The following NRG3 variants were observed in gnomAD, a reference collection of about 807,000 sequenced individuals.
The protein encoded by NRG3 is pro-neuregulin-3, membrane-bound isoform.
In NRG3, 31 loss-of-function variants were observed where a neutral mutation model predicts 66.9. That is an observed-to-expected ratio of 0.46 (90% CI 0.35 to 0.63). The LOEUF is 0.63. Among genes scored for constraint, NRG3 ranks in the 20% least tolerant of loss-of-function variants. The pLI is 0.00. For missense variants in NRG3, 910 were observed against 878.9 expected, an observed-to-expected ratio of 1.04 and a Z score of -0.45; for synonymous variants, 393 against 359.4, an observed-to-expected ratio of 1.09 and a Z score of -1.06.
intron 2 of NRG3, among the ~76,000 whole-genome samples, chr10:82,529,219 A>G (rs114271818): frequency 1.1e-3 from 168 of 152,316 alleles, no homozygotes; most frequent in African/African-American, 3.9e-3. Flanking sequence ...AAGGACTGCT[A>G]ACTCTGTGGC....
At position 82,451,551 on chromosome 10, in the gene NRG3, A is replaced by G. The variant is rs192573706; in HGVS notation, c.953+92683A>G. Among the ~76,000 whole-genome samples, 3 of 152,312 alleles carry G rather than the reference A, an allele frequency of 2.0e-5. No individual in the cohort carries two copies. The East Asian group carries it at 5.8e-4, about 29-fold the overall frequency. On this transcript the variant is annotated intron_variant, in intron 2 of 8. Transcript: ENST00000372141. The stretch of plus-strand genomic sequence containing the variant: ...CTTGGGTGTTTGTTTCCCATTTCAC[A>G]AAACAAAGCAGCCAACCTTACATTC...
At chr10:82,398,681 T>C (rs2086886111) in intron 2 of NRG3, among the ~76,000 whole-genome samples, 1 of 151,932 alleles carries the variant, frequency 6.6e-6, no homozygotes, top group East Asian at 1.9e-4. Context: ...AAGGTAAAAG[T>C]CACTTCCAAA....
intron 3 of NRG3, among the ~76,000 whole-genome samples, chr10:82,786,078 T>G (rs1370682205): frequency 2.0e-5 from 3 of 152,218 alleles, no homozygotes; most frequent in Non-Finnish European, 4.4e-5. Context: ...ACTGAGGAAA[T>G]GTCCAGCAGA....
intron 2 of NRG3, among the ~76,000 whole-genome samples, chr10:82,440,360 T>G (rs577301717): frequency 1.6e-5 from 2 of 127,046 alleles, no homozygotes; most frequent in South Asian, 4.4e-4. Flanking sequence ...TTTGCCTGTT[T>G]GATTTTTTTT....
intron 2 of NRG3, among the ~76,000 whole-genome samples, chr10:82,700,121 C>T (rs1255708823): frequency 3.3e-5 from 5 of 152,066 alleles, no homozygotes; most frequent in Non-Finnish European, 7.4e-5. Context: ...TTACTTTCAG[C>T]GCTTGACAGA....
chr10:82,866,313 A>G (rs1246416362), intron 4 of NRG3, among the ~76,000 whole-genome samples: 2 of 152,222 alleles, frequency 1.3e-5, no homozygotes, highest in Admixed American at 6.5e-5. Context: ...AAATAATTAT[A>G]TACTTACTTG....
In NRG3 at chr10:82,555,578, C is replaced by T. The variant is rs190186937; in HGVS notation, c.954-182999C>T. Among the ~76,000 whole-genome samples the T allele has an allele frequency of 6.0e-4, 91 of 152,286 alleles. 1 individual carries two copies. The Middle Eastern group carries it at 0.031, about 51-fold the overall frequency. ...TGGAAGATCTAAATGGAAACTTCCT[C>T]ATCCTCCCAACAACTAACCTCAAAA... On this transcript the variant is annotated intron_variant, in intron 2 of 8. Transcript: ENST00000372141.
chr10:82,813,031 T>C (rs1454690442), intron 3 of NRG3, among the ~76,000 whole-genome samples: 3 of 152,132 alleles, frequency 2.0e-5, no homozygotes, highest in East Asian at 3.9e-4. Flanking sequence ...TTTTCAGTCA[T>C]GCAATAACTC....
rs564288571 is a variant in NRG3 at position 82,036,559 on chromosome 10, G to GT, written c.823+160403dup. 4.6e-5 allele frequency among the ~76,000 whole-genome samples: 7 copies of GT among 151,956 alleles called. No homozygotes were observed. The East Asian group carries it at 5.8e-4, about 13-fold the overall frequency. On this transcript the variant is annotated intron_variant, in intron 1 of 8. Transcript: ENST00000372141. ...TATATGATGCTAAAATAAAGGCATG[G>GT]TTTTTTTCCCATGGAAGAATATCCT...
intron 4 of NRG3, among the ~76,000 whole-genome samples, chr10:82,897,638 C>T (rs1404686960): frequency 1.3e-5 from 2 of 152,170 alleles, no homozygotes; most frequent in East Asian, 3.9e-4. Flanking sequence ...CCTGCCTCAG[C>T]CTCCCGAGTA....
At chr10:82,383,553 T>C (rs1298861997) in intron 2 of NRG3, among the ~76,000 whole-genome samples, 1 of 152,094 alleles carries the variant, frequency 6.6e-6, no homozygotes, top group Non-Finnish European at 1.5e-5. Flanking sequence ...TTGTTTTTGC[T>C]GAGTGTGTAT....
chr10:81,978,575 T>G (rs2060212063), intron 1 of NRG3, among the ~76,000 whole-genome samples: 1 of 152,158 alleles, frequency 6.6e-6, no homozygotes, highest in Non-Finnish European at 1.5e-5. Context: ...CTTGAATCCA[T>G]AGTATATTTC....
chr10:82,251,480 C>T (rs1386489318), intron 1 of NRG3, among the ~76,000 whole-genome samples: 1 of 152,118 alleles, frequency 6.6e-6, no homozygotes, highest in African/African-American at 2.4e-5. Flanking sequence ...TCAGGATTCC[C>T]TCACAGACTG....
chr10:82,330,250 G>T (rs1361571718), intron 1 of NRG3, among the ~76,000 whole-genome samples: 1 of 152,098 alleles, frequency 6.6e-6, no homozygotes, highest in Non-Finnish European at 1.5e-5. Flanking sequence ...TAAATTTGAA[G>T]AGGAAAGTCA....
At chr10:82,644,469 T>TA (rs1052478378) in intron 2 of NRG3, among the ~76,000 whole-genome samples, 3 of 152,130 alleles carry the variant, frequency 2.0e-5, no homozygotes, top group African/African-American at 7.2e-5. Context: ...TTTGAGCTGT[T>TA]AGAGATAAGT....
chr10:82,361,350 G>A (rs559982539), intron 2 of NRG3, among the ~76,000 whole-genome samples: 18 of 152,246 alleles, frequency 1.2e-4, no homozygotes, highest in African/African-American at 3.9e-4. Flanking sequence ...ATTGGAACTC[G>A]AGTAGGTTAA....
In NRG3 at chr10:81,994,182, A is replaced by G. The variant is rs78394285; in HGVS notation, c.823+118019A>G. Among the ~76,000 whole-genome samples the G allele has an allele frequency of 5.9e-3, 875 of 147,782 alleles. 7 individuals are homozygous for G. Among genetic ancestry groups the G allele is most frequent in the African/African-American group, 0.022 (806 of 37,332 alleles). The stretch of plus-strand genomic sequence containing the variant: ...ACTTGTTTATTTTTTACAATCAAAC[A>G]TAGTATCTTCAAATTGTCCAGAATT... On this transcript the variant is annotated intron_variant, in intron 1 of 8. Coordinates refer to ENST00000372141, the MANE Select transcript of NRG3 (RefSeq NM_001010848.4).
intron 2 of NRG3, among the ~76,000 whole-genome samples, chr10:82,536,484 T>C (rs927179380): frequency 6.6e-6 from 1 of 152,170 alleles, no homozygotes; most frequent in Non-Finnish European, 1.5e-5. Context: ...TAAGAACTTA[T>C]ATGTGGGGGA....
chr10:82,881,797 A>G (rs1394092515), intron 4 of NRG3, among the ~76,000 whole-genome samples: 1 of 152,184 alleles, frequency 6.6e-6, no homozygotes, highest in African/African-American at 2.4e-5. Context: ...AACACCCCAC[A>G]TATGCATTTC....
Sources: allele counts gnomAD v4.1 joint callset (sites outside exome capture counted in the v4.1 genomes callset), GRCh38; gene constraint gnomAD v4.1.1; transcripts MANE v1.5; gene names NCBI Gene and HGNC (gene_info 2026-07-23, HGNC 2026-07-21).